KIAA0825: variants seen among roughly 807,000 people sequenced by gnomAD.
The protein encoded by KIAA0825 is KIAA0825.
Under a neutral mutation model 147.6 loss-of-function variants are expected in KIAA0825, and 119 were observed. The observed-to-expected ratio is 0.81, with a 90% CI of 0.69 to 0.94. KIAA0825 has a LOEUF of 0.94. KIAA0825 is among the 40% of genes least tolerant of loss of function. KIAA0825 has a pLI of 0.00. For synonymous variants in KIAA0825, 470 were observed against 518.1 expected (o/e 0.91, Z 1.26); for missense variants, 1,381 against 1,472.7 (o/e 0.94, Z 1.02).
chr5:94,456,719 G>A (rs1362408816), intron 12 of KIAA0825, among the ~76,000 whole-genome samples: 1 of 152,088 alleles, frequency 6.6e-6, no homozygotes, highest in Non-Finnish European at 1.5e-5. Flanking sequence ...TGTATTTAAA[G>A]GATTTAGCAA....
chr5:94,393,601 T>G (rs1027913887), intron 17 of KIAA0825, among the ~76,000 whole-genome samples: 1 of 152,210 alleles, frequency 6.6e-6, no homozygotes, highest in African/African-American at 2.4e-5. Flanking sequence ...CATAAGTAAT[T>G]AAGATTTAAT....
At chr5:94,394,315 A>G (rs1252852039) in intron 17 of KIAA0825, among the ~76,000 whole-genome samples, 2 of 152,224 alleles carry the variant, frequency 1.3e-5, no homozygotes, top group African/African-American at 4.8e-5. Flanking sequence ...TCAGAAATTG[A>G]GAAAGATGTA....
chr5:94,262,714 GTA>G (rs957933133), intron 20 of KIAA0825, among the ~76,000 whole-genome samples: 1 of 151,952 alleles, frequency 6.6e-6, no homozygotes, highest in Non-Finnish European at 1.5e-5. Context: ...GTGTAAAAAC[GTA>G]TATGTTTGTG....
intron 9 of KIAA0825, among the ~76,000 whole-genome samples, chr5:94,470,580 T>A (rs916241465): frequency 6.6e-6 from 1 of 152,250 alleles, no homozygotes; most frequent in South Asian, 2.1e-4. Flanking sequence ...AACTGTTTTT[T>A]AAAATTCTAC....
intron 3 of KIAA0825, among the ~76,000 whole-genome samples, chr5:94,535,248 G>A (rs555160788): frequency 1.3e-4 from 20 of 152,074 alleles, no homozygotes; most frequent in African/African-American, 2.4e-4. Flanking sequence ...GGTGGCTCAC[G>A]CCTATAATCC....
At chr5:94,551,034 T>C (rs927601521) in intron 2 of KIAA0825, among the ~76,000 whole-genome samples, 4 of 151,804 alleles carry the variant, frequency 2.6e-5, no homozygotes, top group African/African-American at 7.3e-5. Context: ...GTGATAGATA[T>C]CATAAATATG....
At chr5:94,261,585 T>G (rs1043394728) in intron 20 of KIAA0825, among the ~76,000 whole-genome samples, 1 of 152,124 alleles carries the variant, frequency 6.6e-6, no homozygotes, top group Non-Finnish European at 1.5e-5. Context: ...TAAAATGAAG[T>G]TCTACGTAGC....
chr5:94,375,349 G>A (rs758087519), intron 20 of KIAA0825, among the ~76,000 whole-genome samples: 1 of 151,872 alleles, frequency 6.6e-6, no homozygotes, highest in Non-Finnish European at 1.5e-5. Context: ...ATTTTTCTGA[G>A]CCCCTAAACT....
intron 20 of KIAA0825, among the ~76,000 whole-genome samples, chr5:94,264,461 A>T (rs1776651437): frequency 6.6e-6 from 1 of 152,184 alleles, no homozygotes; most frequent in Non-Finnish European, 1.5e-5. Flanking sequence ...ACTTTGTCAG[A>T]CTGGCAATTA....
At chr5:94,565,094 C>CTTTTTTTTTTTTTTTTTTTTTTTT (rs1285299381) in intron 2 of KIAA0825, among the ~76,000 whole-genome samples, 1 of 51,908 alleles carries the variant, frequency 1.9e-5, no homozygotes, top group Non-Finnish European at 4.0e-5. Context: ...TTCTTGCTTT[C>CTTTTTTTTTTTTTTTTTTTTTTTT]CTTTTTTTTT....
At chr5:94,201,444 G>A (rs899334233) in intron 20 of KIAA0825, among the ~76,000 whole-genome samples, 9 of 151,810 alleles carry the variant, frequency 5.9e-5, no homozygotes, top group South Asian at 2.1e-4. Context: ...ATCTTGCTCC[G>A]TCACCCAGCC....
rs575600068 is a variant in KIAA0825 at position 94,164,995 on chromosome 5, C to T, written c.3711-10871G>A. Among the ~76,000 whole-genome samples the T allele has an allele frequency of 1.7e-4, 26 of 152,106 alleles. 1 individual carries two copies. The highest frequency in any genetic ancestry group is 1.2e-3 in the Admixed American group (18 of 15,272). ...ACCCCACAAGCACAGGCAACCAAAG[C>T]GAAAATTGACAAATGGGATCAAAAC... On this transcript the variant is annotated intron_variant, in intron 20 of 20. Coordinates refer to ENST00000682413, the MANE Select transcript of KIAA0825 (RefSeq NM_001145678.3).
intron 1 of KIAA0825, among the ~76,000 whole-genome samples, chr5:94,616,719 A>G (rs1216832248): frequency 6.6e-6 from 1 of 152,216 alleles, no homozygotes; most frequent in Non-Finnish European, 1.5e-5. Flanking sequence ...TTGAATTAGG[A>G]TAATAAAACT....
Position 94,423,702 on chromosome 5 carries a change from T to C in KIAA0825, c.2498-6337A>G, listed in dbSNP as rs1334701037. Among the ~76,000 whole-genome samples the C allele has an allele frequency of 2.0e-5, 3 of 152,140 alleles. No individual in the cohort carries two copies. The East Asian group carries it at 5.8e-4, about 29-fold the overall frequency. ...TGAATTAACCAGGCACTAATGAGCA[T>C]CCCTCACCAAAGGGAGGAGGCTGAA... On this transcript the variant is annotated intron_variant, in intron 14 of 20. Coordinates refer to ENST00000682413, the MANE Select transcript of KIAA0825 (RefSeq NM_001145678.3).
At chr5:94,594,433 A>G in intron 1 of KIAA0825, 2 of 731,980 alleles carry the variant, frequency 2.7e-6, no homozygotes, top group Non-Finnish European at 5.1e-6. Flanking sequence ...CCTTATTACC[A>G]TACAGTAGAT....
At chr5:94,536,651 T>A (rs570327321) in intron 3 of KIAA0825, among the ~76,000 whole-genome samples, 5 of 152,208 alleles carry the variant, frequency 3.3e-5, no homozygotes, top group East Asian at 1.9e-4. Flanking sequence ...ATTTTAATGT[T>A]CTGTTTTTAG....
chr5:94,499,591 G>GA (rs1764813236), intron 5 of KIAA0825, among the ~76,000 whole-genome samples: 2 of 148,758 alleles, frequency 1.3e-5, no homozygotes, highest in South Asian at 2.3e-4. Flanking sequence ...AATCTGGGGG[G>GA]GGGGGGGGAC....
At chr5:94,166,162 A>G (rs1194999726) in intron 20 of KIAA0825, among the ~76,000 whole-genome samples, 1 of 152,200 alleles carries the variant, frequency 6.6e-6, no homozygotes, top group African/African-American at 2.4e-5. Context: ...AAAAAACAAA[A>G]TAAAACAAAA....
chr5:94,466,744 A>T (rs1200471069), intron 10 of KIAA0825, among the ~76,000 whole-genome samples: 2 of 108,722 alleles, frequency 1.8e-5, no homozygotes, highest in Non-Finnish European at 2.2e-5. Flanking sequence ...CTCAAAAAAA[A>T]AAAAAAAAAA....
Sources: allele counts gnomAD v4.1 joint callset (sites outside exome capture counted in the v4.1 genomes callset), GRCh38; gene constraint gnomAD v4.1.1; transcripts MANE v1.5; gene names NCBI Gene and HGNC (gene_info 2026-07-23, HGNC 2026-07-21).